The following NPY variants were observed in gnomAD, a reference collection of about 807,000 sequenced individuals.
The protein encoded by NPY is neuropeptide Y.
A neutral mutation model predicts 13.2 loss-of-function variants in NPY; 11 were observed. The observed-to-expected ratio is 0.83, with a 90% confidence interval of 0.52 to 1.38. NPY has a LOEUF of 1.38. Among genes scored for constraint, NPY ranks in the 40% most tolerant of loss-of-function variants. The pLI is 0.00. For missense variants in NPY, 109 were observed against 125.1 expected (o/e 0.87, Z 0.61); for synonymous variants, 51 against 55.6 (o/e 0.92, Z 0.37).
At position 24,285,061 on chromosome 7, in the gene NPY, G is replaced by A. The variant is rs543428854; in HGVS notation, c.1-180G>A. The A allele has an allele frequency of 3.1e-6, 2 of 643,914 alleles. No homozygotes were observed. Among genetic ancestry groups the A allele is most frequent in the Non-Finnish European group, 5.4e-6 (2 of 373,330 alleles). 39.9% of individuals were successfully genotyped at this position (643,914 alleles called of 1,614,324 possible). A position where few individuals can be genotyped will look rare whatever the true frequency, so the allele number is the denominator to read the frequency against. The stretch of plus-strand genomic sequence containing the variant: ...GAGGGGCAGGTCCCGACCGGACGGC[G>A]CCCGGAGCCCGCAAGGTGGTGCTAG... On this transcript the variant is annotated intron_variant, in intron 1 of 3. Transcript: ENST00000242152. This position sits in a 1 kb window ranked among gnomAD's most constrained non-coding sequence, Gnocchi z 4.9.
At chr7:24,289,897 T>C (rs1334389217) in intron 3 of NPY, among the ~76,000 whole-genome samples, 1 of 152,054 alleles carries the variant, frequency 6.6e-6, no homozygotes, top group Non-Finnish European at 1.5e-5. Context: ...GAGCATAGAG[T>C]GAGTCCCTGA....
intron 2 of NPY, among the ~76,000 whole-genome samples, chr7:24,287,570 AATTT>A (rs1483125434): frequency 4.0e-5 from 6 of 151,204 alleles, no homozygotes; most frequent in Non-Finnish European, 8.8e-5. Flanking sequence ...GGTCTCCTAC[AATTT>A]ATTTATATAG....
chr7:24,287,694 G>A (rs190705390), intron 2 of NPY, among the ~76,000 whole-genome samples: 1 of 152,020 alleles, frequency 6.6e-6, no homozygotes, highest in African/African-American at 2.4e-5. Context: ...GGCACTGCTG[G>A]TACCTAGGTG....
intron 3 of NPY, among the ~76,000 whole-genome samples, chr7:24,289,882 CAG>C (rs1476068169): frequency 6.6e-6 from 1 of 152,044 alleles, no homozygotes; most frequent in Non-Finnish European, 1.5e-5. Flanking sequence ...TTGTTGGAGT[CAG>C]GGGAGCATAG....
At chr7:24,290,775 A>AATTATTATTATT (rs10693219) in intron 3 of NPY, among the ~76,000 whole-genome samples, 406 of 129,632 alleles carry the variant, frequency 3.1e-3, no homozygotes, top group Middle Eastern at 7.6e-3. Flanking sequence ...TAATAATAAT[A>AATTATTATTATT]ATTATTATTA....
chr7:24,291,838 TA>T lies in NPY; in HGVS notation c.*154del. The stretch of plus-strand genomic sequence containing the variant: ...TGTCATCATTGTATATATGTGTGTT[TA>T]AATAAAGTATCATGCATTCAAAAGT... On this transcript the variant is annotated 3_prime_UTR_variant, in exon 4 of 4. Transcript: ENST00000242152. 1.3e-6 allele frequency: 1 copy of T among 750,210 alleles called. No homozygotes were observed. Among genetic ancestry groups the T allele is most frequent in the Non-Finnish European group, 2.2e-6 (1 of 460,184 alleles). 46.5% of individuals were successfully genotyped at this position (750,210 alleles called of 1,614,324 possible).
chr7:24,289,607 T>A, intron 3 of NPY, 28 bp downstream of exon 3: 1 of 1,581,090 alleles, frequency 6.3e-7, no homozygotes, highest in Non-Finnish European at 8.7e-7. Context: ...ATGGGGACAT[T>A]GTTGCAGAGC....
Position 24,289,484 on chromosome 7 carries a change from CTTT to C in NPY, c.189-7_189-5del. 7.3e-7 allele frequency: 1 copy of C among 1,370,002 alleles called. No homozygotes were observed. The highest frequency in any genetic ancestry group is 1.0e-6 in the Non-Finnish European group (1 of 1,000,198). 84.9% of individuals were successfully genotyped at this position (1,370,002 alleles called of 1,614,324 possible). A position where few individuals can be genotyped will look rare whatever the true frequency, so the allele number is the denominator to read the frequency against. On this transcript the variant is annotated splice_polypyrimidine_tract_variant and intron_variant, in intron 2 of 3. Coordinates refer to ENST00000242152, the MANE Select transcript of NPY (RefSeq NM_000905.4). ...CCTATTCCAAACTTGCTTTAAAAGACTTTTTTTTTTCCAGATATGGAAAACGAT... is the reference window on the plus strand; with the variant it reads ...CCTATTCCAAACTTGCTTTAAAAGACTTTTTTTCCAGATATGGAAAACGAT...
rs377693158 is a variant in NPY at position 24,291,091 on chromosome 7, C to T, written c.270-572C>T. Among the ~76,000 whole-genome samples, 3 of 151,962 alleles carry T rather than the reference C, an allele frequency of 2.0e-5. No homozygotes were observed. In the East Asian group the frequency reaches 5.8e-4, roughly 29 times the overall value. Reference sequence around the variant, plus strand: ...ACCTACTTAGAACCTTGGTTTTTGTCTTTGTTTTGTGGCCCAAGGTCACAC... The same window carrying T: ...ACCTACTTAGAACCTTGGTTTTTGTTTTTGTTTTGTGGCCCAAGGTCACAC... On this transcript the variant is annotated intron_variant, in intron 3 of 3. Transcript: ENST00000242152.
chr7:24,286,303 A>G (rs1787375446), intron 2 of NPY, among the ~76,000 whole-genome samples: 1 of 152,174 alleles, frequency 6.6e-6, no homozygotes, highest in African/African-American at 2.4e-5. Flanking sequence ...TACAAATTAC[A>G]TAGGATTTAA....
chr7:24,285,182 T>C lies in NPY; in HGVS notation c.1-59T>C. On this transcript the variant is annotated intron_variant, in intron 1 of 3. Transcript: ENST00000242152. The surrounding 1 kb of genome is among the most constrained non-coding windows in gnomAD (Gnocchi z 4.9). ...GAGCGCGGGGGGCAGAGGAGGGAGG[T>C]GCTGCGCGTGGGTGCTCTGAATCCC... The C allele has an allele frequency of 6.4e-7, 1 of 1,564,574 alleles. No individual in the cohort carries two copies.
At position 24,291,661 on chromosome 7, in the gene NPY, A is replaced by G; in HGVS notation, c.270-2A>G. ...ACATGCTTTGCTTCTTATGTTTTACAGGCTTGAAGACCCTGCAATGTGGTG... is the reference window on the plus strand; with the variant it reads ...ACATGCTTTGCTTCTTATGTTTTACGGGCTTGAAGACCCTGCAATGTGGTG... On this transcript the variant is annotated splice_acceptor_variant, in intron 3 of 3. Coordinates refer to ENST00000242152, the MANE Select transcript of NPY (RefSeq NM_000905.4). LOFTEE classifies it high-confidence loss of function. 6.2e-7 allele frequency: 1 copy of G among 1,614,046 alleles called. No individual in the cohort carries two copies. Among genetic ancestry groups the G allele is most frequent in the Non-Finnish European group, 8.5e-7 (1 of 1,179,962 alleles).
In NPY at chr7:24,285,627, C is replaced by T. The variant is rs545537329; in HGVS notation, c.188+199C>T. Among the ~76,000 whole-genome samples, 1 of 152,142 alleles carries T rather than the reference C, an allele frequency of 6.6e-6. No individual in the cohort carries two copies. Among genetic ancestry groups the T allele is most frequent in the African/African-American group, 2.4e-5 (1 of 41,484 alleles). Reference sequence around the variant, plus strand: ...AATGGGTACCTTCCATTTTGTGCAACTACAGTCACAGAGTCGTGATCCCCA... The same window carrying T: ...AATGGGTACCTTCCATTTTGTGCAATTACAGTCACAGAGTCGTGATCCCCA... On this transcript the variant is annotated intron_variant, in intron 2 of 3. Transcript: ENST00000242152. This position sits in a 1 kb window ranked among gnomAD's most constrained non-coding sequence, Gnocchi z 4.9.
At chr7:24,289,717 A>T in intron 3 of NPY, 138 bp downstream of exon 3, 1 of 528,164 alleles carries the variant, frequency 1.9e-6, no homozygotes, top group South Asian at 3.5e-5. Context: ...GAGGATGAAG[A>T]AGCAGGCAGA....
chr7:24,291,456 G>A (rs529859596), intron 3 of NPY, among the ~76,000 whole-genome samples: 157 of 152,252 alleles, frequency 1.0e-3, no homozygotes, highest in Non-Finnish European at 1.9e-3. Flanking sequence ...TGTCAACATC[G>A]TGGAATGCTG....
At chr7:24,288,736 C>G (rs1389809069) in intron 2 of NPY, among the ~76,000 whole-genome samples, 1 of 150,580 alleles carries the variant, frequency 6.6e-6, no homozygotes. Flanking sequence ...CAGTTAGATT[C>G]CTTTAGACTT....
chr7:24,287,353 T>G (rs1349653737), intron 2 of NPY, among the ~76,000 whole-genome samples: 1 of 152,134 alleles, frequency 6.6e-6, no homozygotes, highest in Admixed American at 6.5e-5. Context: ...AGACACCCAC[T>G]CCTATGTGCG....
At position 24,290,775 on chromosome 7, in the gene NPY, A is replaced by AATAATAATAATTATT. The variant is rs10701264; in HGVS notation, c.270-886_270-885insAATAATAATTATTAT. Among the ~76,000 whole-genome samples the AATAATAATAATTATT allele has an allele frequency of 8.6e-3, 1,114 of 129,618 alleles. 15 individuals carry two copies. The highest frequency in any genetic ancestry group is 0.03 in the South Asian group (114 of 3,766). The allele number at this position is 129,618 out of a possible 152,430, so 85.0% of individuals were successfully genotyped here. A position where few individuals can be genotyped will look rare whatever the true frequency, so the allele number is the denominator to read the frequency against. ...TTTTTAATTAAATAATAATAATAAT[A>AATAATAATAATTATT]ATTATTATTATTATTCAGAGACAAG... is the stretch of plus-strand genomic sequence containing the variant. On this transcript the variant is annotated intron_variant, in intron 3 of 3. Coordinates refer to ENST00000242152, the MANE Select transcript of NPY (RefSeq NM_000905.4).
chr7:24,289,883 AG>A (rs2128233629), intron 3 of NPY, among the ~76,000 whole-genome samples: 1 of 152,266 alleles, frequency 6.6e-6, no homozygotes, highest in South Asian at 2.1e-4. Flanking sequence ...TGTTGGAGTC[AG>A]GGGAGCATAG....
Sources: gnomAD v4.1 joint callset for allele counts (sites outside exome capture counted in the v4.1 genomes callset) on GRCh38, gnomAD v4.1.1 for gene constraint, Gnocchi (gnomAD v3.1) non-coding constraint, MANE v1.5 for transcripts, NCBI Gene and HGNC (gene_info 2026-07-23, HGNC 2026-07-21) for gene names.